The following UPF2 variants were observed in gnomAD, a reference collection of about 807,000 sequenced individuals.
UPF2 encodes UPF2 regulator of nonsense mediated mRNA decay.
Under a neutral mutation model 141.4 loss-of-function variants are expected in UPF2, and 17 were observed. The ratio of observed to expected loss-of-function variants is 0.12; its 90% CI spans 0.08 to 0.18. The LOEUF (loss-of-function observed/expected upper bound fraction) is 0.18. Among genes scored for constraint, UPF2 ranks in the 10% least tolerant of loss-of-function variants. The pLI, the probability that UPF2 is intolerant of heterozygous loss-of-function variation, is 1.00. For synonymous variants in UPF2, 540 were observed against 498.0 expected (o/e 1.08, Z -1.12); for missense variants, 1,152 against 1,515.9 (o/e 0.76, Z 3.99).
intron 3 of UPF2, 129 bp downstream of exon 3, chr10:12,028,616 T>A (rs528868528): frequency 1.2e-5 from 11 of 911,490 alleles, no homozygotes; most frequent in Admixed American, 3.2e-5. Flanking sequence ...GAAATTTTCC[T>A]GGAATGTTAA....
chr10:11,976,225 G>T, intron 9 of UPF2, among the ~76,000 whole-genome samples: 1 of 152,154 alleles, frequency 6.6e-6, no homozygotes, highest in East Asian at 1.9e-4. Context: ...GGTTCTTAGG[G>T]GGAAAAACAT....
intron 9 of UPF2, among the ~76,000 whole-genome samples, chr10:11,970,722 G>T (rs1168803139): frequency 6.6e-6 from 1 of 152,160 alleles, no homozygotes; most frequent in African/African-American, 2.4e-5. Flanking sequence ...TGAGGCACAA[G>T]AATTGCTTCA....
At chr10:12,015,547 C>T (rs190499759) in intron 3 of UPF2, among the ~76,000 whole-genome samples, 1 of 152,190 alleles carries the variant, frequency 6.6e-6, no homozygotes, top group East Asian at 1.9e-4. Flanking sequence ...ACTAAAAATA[C>T]AAAAGTTAGC....
Position 11,940,014 on chromosome 10 carries a change from T to A in UPF2, c.3378+2651A>T, listed in dbSNP as rs145728778. 2.6e-3 allele frequency among the ~76,000 whole-genome samples: 403 copies of A among 152,346 alleles called. 2 individuals carry two copies. The highest frequency in any genetic ancestry group is 3.7e-3 in the Non-Finnish European group (252 of 68,022). On this transcript the variant is annotated intron_variant, in intron 18 of 21. Transcript: ENST00000357604. This position sits in a 1 kb window ranked among gnomAD's most constrained non-coding sequence, Gnocchi z 4.2. ...TTAGGATTATACTAAGTTTAAGGGC[T>A]TGATTTATGGAAAAATAATATCTCT...
chr10:11,946,332 T>C lies in UPF2; in HGVS notation c.3174+2037A>G, dbSNP rs191549602. ...GTAGAAAACTTTAATCACCTTAAAT[T>C]ATGAGTCCTTTCTCTTTAATTCTAA... On this transcript the variant is annotated intron_variant, in intron 16 of 21. Coordinates refer to ENST00000357604, the MANE Select transcript of UPF2 (RefSeq NM_015542.4). 5.3e-5 allele frequency among the ~76,000 whole-genome samples: 8 copies of C among 152,340 alleles called. No homozygotes were observed. In the East Asian group the frequency reaches 1.5e-3, roughly 29 times the overall value.
At position 11,920,560 on chromosome 10, in the gene UPF2, G is replaced by T. The variant is rs1048987756; in HGVS notation, c.*738C>A. 5 of 156,864 alleles carry T rather than the reference G, an allele frequency of 3.2e-5. No individual in the cohort carries two copies. Among genetic ancestry groups the T allele is most frequent in the African/African-American group, 9.7e-5 (4 of 41,442 alleles). 9.7% of individuals were successfully genotyped at this position (156,864 alleles called of 1,614,324 possible). ...CACCTAGATCCCTGTTCTTGGGCTG[G>T]TATCACTTTTCTAAGCCATCTGAAT... is the stretch of plus-strand genomic sequence containing the variant. On this transcript the variant is annotated 3_prime_UTR_variant, in exon 22 of 22. Coordinates refer to ENST00000357604, the MANE Select transcript of UPF2 (RefSeq NM_015542.4).
At chr10:12,026,402 G>A (rs1834420084) in intron 3 of UPF2, among the ~76,000 whole-genome samples, 1 of 152,166 alleles carries the variant, frequency 6.6e-6, no homozygotes, top group Admixed American at 6.5e-5. Flanking sequence ...GAGTAGTGAA[G>A]TGTCTGGAAA....
At chr10:12,032,307 AAAAAG>A (rs199914497) in intron 2 of UPF2, among the ~76,000 whole-genome samples, 14 of 150,270 alleles carry the variant, frequency 9.3e-5, no homozygotes, top group South Asian at 2.1e-4. Context: ...CAAAAAAAAA[AAAAAG>A]AAAGAAAAGA....
chr10:11,956,297 A>T lies in UPF2; in HGVS notation c.2574+23T>A, dbSNP rs2131190016. On this transcript the variant is annotated intron_variant, in intron 13 of 21. Coordinates refer to ENST00000357604, the MANE Select transcript of UPF2 (RefSeq NM_015542.4). This position sits in a 1 kb window ranked among gnomAD's most constrained non-coding sequence, Gnocchi z 4.2. ...ATTCTCCACGAATTCCAGTTGTGTG[A>T]CATTAAAGGAAGTCTTGTTTACCTC... is the stretch of plus-strand genomic sequence containing the variant. 6.2e-7 allele frequency: 1 copy of T among 1,604,696 alleles called. No homozygotes were observed. Among genetic ancestry groups the T allele is most frequent in the South Asian group, 1.1e-5 (1 of 90,862 alleles).
At chr10:11,960,627 G>A (rs1397300083) in intron 11 of UPF2, among the ~76,000 whole-genome samples, 3 of 151,870 alleles carry the variant, frequency 2.0e-5, no homozygotes. Context: ...AGGCACGGTA[G>A]TATGCGCTGT....
Position 11,952,051 on chromosome 10 carries a change from C to T in UPF2, c.3034+15G>A. ...AAATATCACCTTCATTTTCTGTCTG[C>T]AATCAATTGCTTACCTAGTTTTATT... On this transcript the variant is annotated intron_variant, in intron 15 of 21. Coordinates refer to ENST00000357604, the MANE Select transcript of UPF2 (RefSeq NM_015542.4). 6.2e-7 allele frequency: 1 copy of T among 1,611,178 alleles called. No individual in the cohort carries two copies. The highest frequency in any genetic ancestry group is 2.2e-5 in the East Asian group (1 of 44,784).
At chr10:12,009,234 A>C (rs1414859545) in intron 4 of UPF2, among the ~76,000 whole-genome samples, 1 of 152,236 alleles carries the variant, frequency 6.6e-6, no homozygotes, top group Non-Finnish European at 1.5e-5. Context: ...ATACAGAAAG[A>C]AGCAGGTTCA....
At chr10:11,934,649 G>C (rs576496179) in intron 19 of UPF2, among the ~76,000 whole-genome samples, 1 of 152,148 alleles carries the variant, frequency 6.6e-6, no homozygotes, top group Non-Finnish European at 1.5e-5. Context: ...GAGTACAATG[G>C]TGTGATCTTG....
chr10:12,033,665 A>C (rs1834568724), intron 2 of UPF2, among the ~76,000 whole-genome samples: 1 of 151,764 alleles, frequency 6.6e-6, no homozygotes, highest in South Asian at 2.1e-4. Flanking sequence ...CTCTTAAATT[A>C]AAAAAAAACT....
chr10:12,010,165 A>C (rs57688998), intron 4 of UPF2, among the ~76,000 whole-genome samples: 8,546 of 152,310 alleles, frequency 0.056, 294 homozygotes, highest in Non-Finnish European at 0.08. Context: ...CTTAACTGCA[A>C]CCCAGGATGA....
chr10:11,936,545 C>T lies in UPF2; in HGVS notation c.3546G>A (p.Gln1182=), dbSNP rs1564336626. ...VMLTRKGNKQ[Q]FKILNVPMSS... ...AATTACAGGGCGGGCAGTTTCTTACCTGCTGTTTATTGCCTTTTCTTGTTA... is the reference window on the plus strand; with the variant it reads ...AATTACAGGGCGGGCAGTTTCTTACTTGCTGTTTATTGCCTTTTCTTGTTA... The change falls in exon 19 of 22, where the codon CAG becomes CAA. Residue 1182 remains glutamine (Q), a splice_region_variant and synonymous_variant. Transcript: ENST00000357604. This position sits in a 1 kb window ranked among gnomAD's most constrained non-coding sequence, Gnocchi z 6.6. 1 of 1,597,776 alleles carries T rather than the reference C, an allele frequency of 6.3e-7. No homozygotes were observed. The highest frequency in any genetic ancestry group is 8.5e-7 in the Non-Finnish European group (1 of 1,172,452).
rs1833958036 is a variant in UPF2 at position 12,001,841 on chromosome 10, C to A, written c.1505-16G>T. 1 of 1,571,466 alleles carries A rather than the reference C, an allele frequency of 6.4e-7. No individual in the cohort carries two copies. The highest frequency in any genetic ancestry group is 8.6e-7 in the Non-Finnish European group (1 of 1,161,946). ...TCTTTTGCCTCTGTTGAAAAACAAA[C>A]AAGTATACCTAAATTCAAAGTCATA... On this transcript the variant is annotated splice_polypyrimidine_tract_variant and intron_variant, in intron 5 of 21. Coordinates refer to ENST00000357604, the MANE Select transcript of UPF2 (RefSeq NM_015542.4).
rs769456362 is a variant in UPF2 at position 11,956,548 on chromosome 10, A to G, written c.2371-25T>C. The G allele has an allele frequency of 6.2e-7, 1 of 1,607,784 alleles. No individual in the cohort carries two copies. The highest frequency in any genetic ancestry group is 8.5e-7 in the Non-Finnish European group (1 of 1,177,494). ...CCTAAAAAAAGAGAATTTTGTTCAA[A>G]TTATTAAGATAAGTACACAGTAGCC... On this transcript the variant is annotated intron_variant, in intron 12 of 21. Transcript: ENST00000357604. The surrounding 1 kb of genome is among the most constrained non-coding windows in gnomAD (Gnocchi z 4.2).
At chr10:11,997,424 CTTCTT>C (rs1833882305) in intron 8 of UPF2, among the ~76,000 whole-genome samples, 1 of 152,092 alleles carries the variant, frequency 6.6e-6, no homozygotes, top group Non-Finnish European at 1.5e-5. Flanking sequence ...TCTTCTTCTT[CTTCTT>C]AAGCTACTCT....
Sources: gnomAD v4.1 joint callset for allele counts (sites outside exome capture counted in the v4.1 genomes callset) on GRCh38, gnomAD v4.1.1 for gene constraint, Gnocchi (gnomAD v3.1) non-coding constraint, MANE v1.5 for transcripts, NCBI Gene and HGNC (gene_info 2026-07-23, HGNC 2026-07-21) for gene names.